ARHGAP10: variants seen among roughly 807,000 people sequenced by gnomAD.
ARHGAP10 encodes rho GTPase-activating protein 10.
In ARHGAP10, 87 loss-of-function variants were observed where a neutral mutation model predicts 108.6. The observed-to-expected ratio is 0.80, with a 90% CI of 0.67 to 0.96. The LOEUF is 0.96. ARHGAP10 is among the 40% of genes least tolerant of loss of function. The probability of loss-of-function intolerance (pLI) is 0.00; values close to 1 mark genes in which losing one functional copy is unlikely to be tolerated. For missense variants in ARHGAP10, 939 were observed against 954.5 expected (o/e 0.98, Z 0.21); for synonymous variants, 347 against 341.1 (o/e 1.02, Z -0.19).
intron 13 of ARHGAP10, among the ~76,000 whole-genome samples, chr4:147,938,177 C>G (rs1198114391): frequency 6.6e-6 from 1 of 151,694 alleles, no homozygotes; most frequent in Non-Finnish European, 1.5e-5. Flanking sequence ...CTCGTGGACA[C>G]ATAGAGGAGA....
intron 3 of ARHGAP10, among the ~76,000 whole-genome samples, chr4:147,834,164 A>ACC (rs992140879): frequency 6.6e-6 from 1 of 152,192 alleles, no homozygotes; most frequent in African/African-American, 2.4e-5. Context: ...TCCTGTGATA[A>ACC]CCCATTAATC....
chr4:148,005,260 C>T (rs560683880), intron 18 of ARHGAP10, among the ~76,000 whole-genome samples: 1 of 152,232 alleles, frequency 6.6e-6, no homozygotes, highest in Non-Finnish European at 1.5e-5. Context: ...AAGTGTGGAA[C>T]CGTATCTACT....
Position 147,840,976 on chromosome 4 carries a change from T to G in ARHGAP10, c.313-6175T>G, listed in dbSNP as rs145985610. ...GCAGGGTTTGGCAAACAGTGACCCA[T>G]GGGCCTGACCTACCTTGCTTCCTCT... is the stretch of plus-strand genomic sequence containing the variant. On this transcript the variant is annotated intron_variant, in intron 3 of 22. Coordinates refer to ENST00000336498, the MANE Select transcript of ARHGAP10 (RefSeq NM_024605.4). Among the ~76,000 whole-genome samples the G allele has an allele frequency of 5.0e-3, 762 of 152,366 alleles. 5 individuals carry two copies. The highest frequency in any genetic ancestry group is 0.017 in the African/African-American group (727 of 41,596).
chr4:147,990,535 T>A (rs922574117), intron 18 of ARHGAP10, among the ~76,000 whole-genome samples: 4 of 152,118 alleles, frequency 2.6e-5, no homozygotes, highest in African/African-American at 9.7e-5. Context: ...TTCGATGGAA[T>A]CAATCCAAAT....
At chr4:147,913,029 A>T in intron 12 of ARHGAP10, 45 bp from the exon 13 acceptor site, 1 of 1,519,242 alleles carries the variant, frequency 6.6e-7, no homozygotes, top group Non-Finnish European at 9.1e-7. Flanking sequence ...GAGAAATGTG[A>T]TAAATAATAA....
At chr4:147,785,543 A>G (rs546844500) in intron 1 of ARHGAP10, among the ~76,000 whole-genome samples, 11 of 152,288 alleles carry the variant, frequency 7.2e-5, no homozygotes, top group Admixed American at 1.3e-4. Flanking sequence ...GTGTATGTAT[A>G]TGATATCTAG....
intron 17 of ARHGAP10, among the ~76,000 whole-genome samples, chr4:147,966,442 G>C (rs1286201076): frequency 6.6e-6 from 1 of 152,126 alleles, no homozygotes; most frequent in Non-Finnish European, 1.5e-5. Flanking sequence ...ACTGTGCATG[G>C]AATTATTAAG....
intron 13 of ARHGAP10, among the ~76,000 whole-genome samples, chr4:147,932,678 C>G (rs949343151): frequency 6.6e-6 from 1 of 152,072 alleles, no homozygotes; most frequent in South Asian, 2.1e-4. Flanking sequence ...GGGAGAGGCT[C>G]AGGAAGAATA....
chr4:148,002,592 C>A (rs1038927892), intron 18 of ARHGAP10, among the ~76,000 whole-genome samples: 14 of 152,120 alleles, frequency 9.2e-5, no homozygotes, highest in African/African-American at 3.4e-4. Context: ...AATTTCAGAG[C>A]CTGTTATTGG....
chr4:147,867,602 A>G (rs1331160879), intron 7 of ARHGAP10, among the ~76,000 whole-genome samples: 1 of 152,108 alleles, frequency 6.6e-6, no homozygotes. Context: ...ACAGTGGTTC[A>G]TGCCTGTAAT....
At chr4:147,766,674 C>T (rs1190676891) in intron 1 of ARHGAP10, among the ~76,000 whole-genome samples, 3 of 146,028 alleles carry the variant, frequency 2.1e-5, no homozygotes, top group Non-Finnish European at 4.5e-5. Flanking sequence ...ACACACTGCA[C>T]TCCAGCCTGG....
intron 14 of ARHGAP10, among the ~76,000 whole-genome samples, chr4:147,942,827 G>A (rs908887404): frequency 3.3e-5 from 5 of 152,348 alleles, no homozygotes; most frequent in Admixed American, 6.5e-5. Context: ...GCAGCTATCC[G>A]CTGGATTTCC....
chr4:147,991,742 G>C (rs1740285853), intron 18 of ARHGAP10, among the ~76,000 whole-genome samples: 1 of 152,198 alleles, frequency 6.6e-6, no homozygotes, highest in Non-Finnish European at 1.5e-5. Context: ...GCCAAAACAG[G>C]TCCAAGTTTG....
chr4:147,877,582 CAGTAA>C (rs1735125184), intron 8 of ARHGAP10, among the ~76,000 whole-genome samples: 1 of 152,116 alleles, frequency 6.6e-6, no homozygotes, highest in Non-Finnish European at 1.5e-5. Flanking sequence ...TGTCTTGACT[CAGTAA>C]AGTAAGAAAT....
intron 13 of ARHGAP10, among the ~76,000 whole-genome samples, chr4:147,920,157 C>T (rs1255254684): frequency 6.6e-6 from 1 of 151,798 alleles, no homozygotes; most frequent in Non-Finnish European, 1.5e-5. Context: ...TGGCTCATGC[C>T]TGTAATCCCA....
At chr4:147,879,677 A>G (rs762156863) in intron 9 of ARHGAP10, among the ~76,000 whole-genome samples, 6 of 151,956 alleles carry the variant, frequency 3.9e-5, no homozygotes, top group Non-Finnish European at 7.4e-5. Flanking sequence ...TATTTCTCCT[A>G]ATGCTATCCC....
intron 20 of ARHGAP10, among the ~76,000 whole-genome samples, chr4:148,052,398 T>A: frequency 6.7e-6 from 1 of 148,332 alleles, no homozygotes; most frequent in South Asian, 2.1e-4. Flanking sequence ...TTTGCTTTTT[T>A]TTTTTTTTTT....
chr4:147,991,145 TA>T lies in ARHGAP10; in HGVS notation c.1716+24321del, dbSNP rs575585774. On this transcript the variant is annotated intron_variant, in intron 18 of 22. Transcript: ENST00000336498. ...AAACCTGCATGTGTACCCCTGAACCTAAAAAAAAAAAAAAATAAATAAAAGA... is the reference window on the plus strand; with the variant it reads ...AAACCTGCATGTGTACCCCTGAACCTAAAAAAAAAAAAAATAAATAAAAGA... Among the ~76,000 whole-genome samples, 1,066 of 128,630 alleles carry T rather than the reference TA, an allele frequency of 8.3e-3. 1 individual carries two copies. Among genetic ancestry groups the T allele is most frequent in the Admixed American group, 8.0e-3 (102 of 12,784 alleles). The allele number at this position is 128,630 out of a possible 152,430, so 84.4% of individuals were successfully genotyped here.
At chr4:147,991,204 G>A (rs899697826) in intron 18 of ARHGAP10, among the ~76,000 whole-genome samples, 2 of 151,720 alleles carry the variant, frequency 1.3e-5, no homozygotes, top group Admixed American at 6.6e-5. Context: ...TAGGTCTAGG[G>A]CCCGCTTCTC....
Sources: gnomAD v4.1 joint callset for allele counts (sites outside exome capture counted in the v4.1 genomes callset) on GRCh38, gnomAD v4.1.1 for gene constraint, MANE v1.5 for transcripts, NCBI Gene and HGNC (gene_info 2026-07-23, HGNC 2026-07-21) for gene names.